The following TAFA2 variants were observed in gnomAD, a reference collection of about 807,000 sequenced individuals.
TAFA2 encodes TAFA chemokine like family member 2.
In TAFA2, 7 loss-of-function variants were observed where a neutral mutation model predicts 18.8. The ratio of observed to expected loss-of-function variants is 0.37; its 90% CI spans 0.21 to 0.70. The LOEUF (loss-of-function observed/expected upper bound fraction) is 0.70, where lower values mean the gene tolerates loss of function less well. TAFA2 is among the 30% of genes least tolerant of loss of function. The pLI is 0.53. For synonymous variants in TAFA2, 60 were observed against 54.2 expected (o/e 1.11, Z -0.47); for missense variants, 122 against 158.1 (o/e 0.77, Z 1.23).
At chr12:62,063,312 A>G (rs746675342) in intron 1 of TAFA2, among the ~76,000 whole-genome samples, 52 of 152,190 alleles carry the variant, frequency 3.4e-4, no homozygotes, top group Non-Finnish European at 6.9e-4. Flanking sequence ...CTAATTCCTG[A>G]TGCTAATCTA....
intron 4 of TAFA2, among the ~76,000 whole-genome samples, chr12:61,735,437 G>T (rs1320413226): frequency 6.6e-6 from 1 of 151,992 alleles, no homozygotes; most frequent in Non-Finnish European, 1.5e-5. Context: ...ATGTGATACA[G>T]TGTGATGTTT....
rs972857287 is a variant in TAFA2, at chr12:61,937,161, G to A, written c.-1-69735C>T. On this transcript the variant is annotated intron_variant, in intron 1 of 4. Coordinates refer to ENST00000416284, the MANE Select transcript of TAFA2 (RefSeq NM_178539.5). Reference sequence around the variant, plus strand: ...ACTGCTGAAAGAAATCATATGACACGAACAAATGGAAATGCATCCCAGGTT... The same window carrying A: ...ACTGCTGAAAGAAATCATATGACACAAACAAATGGAAATGCATCCCAGGTT... Among the ~76,000 whole-genome samples, 8 of 152,044 alleles carry A rather than the reference G, an allele frequency of 5.3e-5. No homozygotes were observed. In the East Asian group the frequency reaches 7.7e-4, roughly 15 times the overall value.
In TAFA2 at chr12:61,978,379, T is replaced by C. The variant is rs529585600; in HGVS notation, c.-1-110953A>G. 1.1e-4 allele frequency among the ~76,000 whole-genome samples: 16 copies of C among 152,224 alleles called. No individual in the cohort carries two copies. The South Asian group carries it at 2.9e-3, about 28-fold the overall frequency. On this transcript the variant is annotated intron_variant, in intron 1 of 4. Transcript: ENST00000416284. Reference sequence around the variant, plus strand: ...CTCACCCCCTATATTTCAAAACATATGACAAATTAATGTCACAATATTTTA... The same window carrying C: ...CTCACCCCCTATATTTCAAAACATACGACAAATTAATGTCACAATATTTTA...
rs545116566 is a variant in TAFA2 at position 61,790,802 on chromosome 12, T to C, written c.107-35778A>G. ...TGCTCATACTACCCAAAGCAATCTA[T>C]AGATTTAGTGCAATTTCTATTAAAA... On this transcript the variant is annotated intron_variant, in intron 2 of 4. Transcript: ENST00000416284. Among the ~76,000 whole-genome samples the C allele has an allele frequency of 4.6e-5, 7 of 151,912 alleles. No homozygotes were observed. The East Asian group carries it at 9.7e-4, about 21-fold the overall frequency.
chr12:62,241,074 C>T (rs1385759416), intron 1 of TAFA2, among the ~76,000 whole-genome samples: 5 of 152,130 alleles, frequency 3.3e-5, no homozygotes, highest in Non-Finnish European at 7.4e-5. Flanking sequence ...ACTTTTGCAA[C>T]ATGTTATATA....
chr12:61,765,930 C>A (rs73324036), intron 2 of TAFA2, among the ~76,000 whole-genome samples: 2,683 of 152,176 alleles, frequency 0.018, 75 homozygotes, highest in African/African-American at 0.06. Flanking sequence ...GAACTCACTT[C>A]TCTTAATTTC....
chr12:61,714,576 T>A (rs1044351290), intron 4 of TAFA2, among the ~76,000 whole-genome samples: 1 of 152,216 alleles, frequency 6.6e-6, no homozygotes, highest in East Asian at 1.9e-4. Flanking sequence ...TTTAAGTCTG[T>A]TCAACAATTT....
At chr12:62,077,944 A>T (rs897237739) in intron 1 of TAFA2, among the ~76,000 whole-genome samples, 8 of 152,274 alleles carry the variant, frequency 5.3e-5, no homozygotes, top group African/African-American at 1.7e-4. Context: ...CTCAAAATCA[A>T]CATGTCCCTA....
Position 62,234,465 on chromosome 12 carries a change from G to A in TAFA2, c.-130+24298C>T, listed in dbSNP as rs953964918. ...AGGGTCCTGGCCAATGAGTCTTCTG[G>A]TGTTGCTTGAGATGGTCAGACCTCA... On this transcript the variant is annotated intron_variant, in intron 1 of 5. Transcript: ENST00000551619. 2.9e-6 allele frequency: 3 copies of A among 1,023,552 alleles called. No homozygotes were observed. The African/African-American group carries it at 4.8e-5, about 16-fold the overall frequency. 63.4% of individuals were successfully genotyped at this position (1,023,552 alleles called of 1,614,324 possible). A position where few individuals can be genotyped will look rare whatever the true frequency, so the allele number is the denominator to read the frequency against.
intron 2 of TAFA2, among the ~76,000 whole-genome samples, chr12:61,799,615 A>G (rs939293533): frequency 2.0e-5 from 3 of 152,000 alleles, no homozygotes; most frequent in African/African-American, 4.8e-5. Flanking sequence ...GAAGTCAGGA[A>G]ATCGAGACCA....
At chr12:62,046,506 T>C (rs916917507) in intron 1 of TAFA2, among the ~76,000 whole-genome samples, 7 of 152,128 alleles carry the variant, frequency 4.6e-5, no homozygotes, top group African/African-American at 1.4e-4. Context: ...TGTATTATTA[T>C]GTCACTGATA....
intron 1 of TAFA2, among the ~76,000 whole-genome samples, chr12:62,125,516 G>A (rs1052505762): frequency 1.3e-5 from 2 of 152,050 alleles, no homozygotes; most frequent in African/African-American, 4.8e-5. Context: ...TACTAAAACG[G>A]TTCAGTTTAG....
chr12:61,749,489 T>C (rs914981358), intron 4 of TAFA2, among the ~76,000 whole-genome samples: 1 of 152,092 alleles, frequency 6.6e-6, no homozygotes, highest in African/African-American at 2.4e-5. Context: ...GCTTTTGTTG[T>C]TTTAATTCTA....
intron 2 of TAFA2, among the ~76,000 whole-genome samples, chr12:61,859,126 C>T (rs1249440471): frequency 6.6e-6 from 1 of 152,208 alleles, no homozygotes; most frequent in Non-Finnish European, 1.5e-5. Context: ...CACAGTTAAG[C>T]ATGGTTAGGA....
chr12:62,080,606 C>G (rs994791180), intron 1 of TAFA2, among the ~76,000 whole-genome samples: 10 of 152,032 alleles, frequency 6.6e-5, no homozygotes, highest in African/African-American at 2.2e-4. Context: ...CATATGTGAA[C>G]TTTACAAAAT....
chr12:62,235,433 TC>T, intron 1 of TAFA2: 1 of 648,652 alleles, frequency 1.5e-6, no homozygotes, highest in Non-Finnish European at 2.8e-6. Context: ...GTTCTACTTA[TC>T]CTGGGCAGCC....
chr12:61,930,256 C>A (rs370864871), intron 1 of TAFA2, among the ~76,000 whole-genome samples: 3 of 152,296 alleles, frequency 2.0e-5, no homozygotes, highest in East Asian at 1.9e-4. Flanking sequence ...CCAAAAGGGA[C>A]TGCATAACCA....
chr12:62,120,665 C>T (rs1870152357), intron 1 of TAFA2, among the ~76,000 whole-genome samples: 1 of 152,046 alleles, frequency 6.6e-6, no homozygotes, highest in Admixed American at 6.6e-5. Context: ...ACAGCATGAC[C>T]AGCTTCACAT....
At chr12:61,881,767 T>C (rs1054282997) in intron 1 of TAFA2, among the ~76,000 whole-genome samples, 3 of 152,196 alleles carry the variant, frequency 2.0e-5, no homozygotes, top group African/African-American at 7.2e-5. Context: ...TCATCATTTT[T>C]AAATGTTATC....
Sources: gnomAD v4.1 joint callset for allele counts (sites outside exome capture counted in the v4.1 genomes callset) on GRCh38, gnomAD v4.1.1 for gene constraint, MANE v1.5 for transcripts, NCBI Gene and HGNC (gene_info 2026-07-23, HGNC 2026-07-21) for gene names.